The following NUBPL variants were observed in gnomAD, a reference collection of about 807,000 sequenced individuals.
NUBPL encodes the protein iron-sulfur cluster transfer protein NUBPL.
NUBPL carries 31 observed loss-of-function variants against 45.7 expected under a neutral mutation model. The observed-to-expected ratio is 0.68, with a 90% CI of 0.51 to 0.92. NUBPL has a LOEUF of 0.92. NUBPL is among the 40% of genes least tolerant of loss of function. NUBPL has a pLI of 0.00. For synonymous variants in NUBPL, 144 were observed against 140.9 expected, an observed-to-expected ratio of 1.02 and a Z score of -0.15; for missense variants, 401 against 398.7, an observed-to-expected ratio of 1.01 and a Z score of -0.05.
At chr14:31,602,883 A>T (rs934962178) in intron 4 of NUBPL, among the ~76,000 whole-genome samples, 1 of 152,174 alleles carries the variant, frequency 6.6e-6, no homozygotes, top group African/African-American at 2.4e-5. Context: ...CTCCCAAAAC[A>T]TTATTTTCTT....
intron 3 of NUBPL, among the ~76,000 whole-genome samples, chr14:31,592,459 C>A (rs111922969): frequency 2.6e-5 from 4 of 152,010 alleles, no homozygotes; most frequent in Admixed American, 1.3e-4. Context: ...ATTCTTGCAG[C>A]CCTGTTGAGA....
intron 3 of NUBPL, among the ~76,000 whole-genome samples, chr14:31,597,517 CTAGCAATCTTATATTAGT>C (rs1476587276): frequency 1.3e-5 from 2 of 152,056 alleles, no homozygotes; most frequent in Non-Finnish European, 2.9e-5. Flanking sequence ...AAAATTGACC[CTAGCAATCTTATATTAGT>C]TAGAACACTT....
intron 6 of NUBPL, among the ~76,000 whole-genome samples, chr14:31,681,453 C>T (rs2036830896): frequency 6.8e-6 from 1 of 148,042 alleles, no homozygotes; most frequent in African/African-American, 2.4e-5. Context: ...TTGTTCTTGC[C>T]AGATGTTTAT....
chr14:31,705,146 G>A (rs572609827), intron 6 of NUBPL, among the ~76,000 whole-genome samples: 18 of 152,190 alleles, frequency 1.2e-4, no homozygotes, highest in African/African-American at 2.9e-4. Flanking sequence ...TAAAGGTGGC[G>A]CGTCCGGAGT....
intron 6 of NUBPL, among the ~76,000 whole-genome samples, chr14:31,735,101 C>T (rs978167858): frequency 6.6e-6 from 1 of 152,148 alleles, no homozygotes; most frequent in African/African-American, 2.4e-5. Context: ...CCATAGCAGC[C>T]TTACTTGTGA....
chr14:31,675,372 G>T (rs2036669566), intron 6 of NUBPL, among the ~76,000 whole-genome samples: 1 of 152,198 alleles, frequency 6.6e-6, no homozygotes, highest in Non-Finnish European at 1.5e-5. Context: ...TGGGACTAAT[G>T]CTGATCATCA....
At chr14:31,740,803 T>TC (rs2038266309) in intron 6 of NUBPL, among the ~76,000 whole-genome samples, 1 of 152,132 alleles carries the variant, frequency 6.6e-6, no homozygotes, top group African/African-American at 2.4e-5. Context: ...GTTCCCCTCA[T>TC]CCCCCCAGTC....
rs115426857 is a variant in NUBPL, at chr14:31,600,484, G to A, written c.382+1105G>A. 5.9e-3 allele frequency among the ~76,000 whole-genome samples: 898 copies of A among 152,256 alleles called. 8 individuals are homozygous for A. Among genetic ancestry groups the A allele is most frequent in the African/African-American group, 0.02 (815 of 41,548 alleles). On this transcript the variant is annotated intron_variant, in intron 4 of 10. Coordinates refer to ENST00000281081, the MANE Select transcript of NUBPL (RefSeq NM_025152.3). ...GAAACTAGAGTACCCGAATACCCAC[G>A]CAGACCTGGGGAGAACATGCAAACT...
chr14:31,815,620 C>T (rs891072275), intron 7 of NUBPL, among the ~76,000 whole-genome samples: 7 of 152,016 alleles, frequency 4.6e-5, no homozygotes, highest in Non-Finnish European at 1.0e-4. Flanking sequence ...TGTCATTTTT[C>T]GAAGGGAATG....
intron 4 of NUBPL, among the ~76,000 whole-genome samples, chr14:31,614,054 C>T (rs752668683): frequency 9.2e-5 from 14 of 152,062 alleles, no homozygotes; most frequent in South Asian, 2.1e-4. Context: ...AAGTCCAGAA[C>T]TGAAACGTTG....
At chr14:31,723,603 G>A (rs1452077197) in intron 6 of NUBPL, among the ~76,000 whole-genome samples, 1 of 152,086 alleles carries the variant, frequency 6.6e-6, no homozygotes, top group Non-Finnish European at 1.5e-5. Context: ...CCATTTGTTT[G>A]TGTCATCTCT....
At chr14:31,824,195 G>A (rs2040062174) in intron 7 of NUBPL, among the ~76,000 whole-genome samples, 1 of 152,068 alleles carries the variant, frequency 6.6e-6, no homozygotes, top group Admixed American at 6.6e-5. Context: ...TGTGACCTAA[G>A]TATTTTCATG....
At chr14:31,799,238 C>A (rs74679492) in intron 7 of NUBPL, among the ~76,000 whole-genome samples, 9,666 of 151,920 alleles carry the variant, frequency 0.064, 414 homozygotes, top group Non-Finnish European at 0.092. Context: ...CCCACACACA[C>A]AAAAAAATCC....
intron 7 of NUBPL, among the ~76,000 whole-genome samples, chr14:31,799,198 G>T (rs141139625): frequency 6.6e-6 from 1 of 152,006 alleles, no homozygotes; most frequent in African/African-American, 2.4e-5. Flanking sequence ...AGAGAATTTT[G>T]ATATTAGCTA....
At chr14:31,792,604 A>G (rs1171445640) in intron 7 of NUBPL, among the ~76,000 whole-genome samples, 1 of 152,182 alleles carries the variant, frequency 6.6e-6, no homozygotes, top group South Asian at 2.1e-4. Flanking sequence ...ATGGATAACA[A>G]TGAAAGACTA....
chr14:31,629,823 T>A (rs924867093), intron 4 of NUBPL, among the ~76,000 whole-genome samples: 1 of 152,164 alleles, frequency 6.6e-6, no homozygotes, highest in Admixed American at 6.5e-5. Flanking sequence ...ATACCTATCC[T>A]CAGTTTCCCT....
At chr14:31,816,049 TA>T (rs745438485) in intron 7 of NUBPL, among the ~76,000 whole-genome samples, 1 of 152,196 alleles carries the variant, frequency 6.6e-6, no homozygotes, top group African/African-American at 2.4e-5. Context: ...GCTGGCCTCA[TA>T]AAATGAGTTA....
intron 4 of NUBPL, among the ~76,000 whole-genome samples, chr14:31,649,697 T>C (rs1029466031): frequency 6.6e-6 from 1 of 152,240 alleles, no homozygotes; most frequent in African/African-American, 2.4e-5. Flanking sequence ...TAAGGTATTA[T>C]GCACATGCTG....
At chr14:31,682,240 T>C (rs1057147286) in intron 6 of NUBPL, among the ~76,000 whole-genome samples, 1 of 152,194 alleles carries the variant, frequency 6.6e-6, no homozygotes. Flanking sequence ...TATGTATTCG[T>C]GGTGAATTTG....
Sources: allele counts gnomAD v4.1 joint callset (sites outside exome capture counted in the v4.1 genomes callset), GRCh38; gene constraint gnomAD v4.1.1; transcripts MANE v1.5; gene names NCBI Gene and HGNC (gene_info 2026-07-23, HGNC 2026-07-21).